The following PRKN variants were observed in gnomAD, a reference collection of about 807,000 sequenced individuals.
PRKN encodes the protein parkin RBR E3 ubiquitin protein ligase.
In PRKN, 56 loss-of-function variants were observed where a neutral mutation model predicts 59.5. That is an observed-to-expected ratio of 0.94 (90% CI 0.76 to 1.18). The LOEUF (loss-of-function observed/expected upper bound fraction) is 1.18, where lower values mean the gene tolerates loss of function less well. PRKN is among the 50% of genes most tolerant of loss of function. PRKN has a pLI of 0.00. For missense variants in PRKN, 657 were observed against 596.4 expected, an observed-to-expected ratio of 1.10 and a Z score of -1.06; for synonymous variants, 250 against 222.1, an observed-to-expected ratio of 1.13 and a Z score of -1.12.
At chr6:162,008,442 C>T (rs1782347949) in intron 5 of PRKN, among the ~76,000 whole-genome samples, 1 of 152,092 alleles carries the variant, frequency 6.6e-6, no homozygotes, top group South Asian at 2.1e-4. Context: ...TTCCTCAGGC[C>T]TCACTAAGTA....
In PRKN at chr6:161,359,628, A is replaced by G. The variant is rs1399453726; in HGVS notation, c.1285+460T>C. 6.6e-6 allele frequency among the ~76,000 whole-genome samples: 1 copy of G among 152,246 alleles called. No homozygotes were observed. The highest frequency in any genetic ancestry group is 6.5e-5 in the Admixed American group (1 of 15,278). On this transcript the variant is annotated intron_variant, in intron 11 of 11. Coordinates refer to ENST00000366898, the MANE Select transcript of PRKN (RefSeq NM_004562.3). This position sits in a 1 kb window ranked among gnomAD's most constrained non-coding sequence, Gnocchi z 5.4. ...TACTGTGAGTCATCAGGGGCAGGCC[A>G]CAGGGATCTTTAAATATAGACGAGG...
chr6:161,660,744 G>C (rs1158881571), intron 7 of PRKN, among the ~76,000 whole-genome samples: 1 of 152,142 alleles, frequency 6.6e-6, no homozygotes, highest in Non-Finnish European at 1.5e-5. Flanking sequence ...CCTTTGCTCT[G>C]CGCACATGTC....
intron 5 of PRKN, among the ~76,000 whole-genome samples, chr6:162,034,367 G>C (rs1477113898): frequency 6.6e-6 from 1 of 152,208 alleles, no homozygotes; most frequent in East Asian, 1.9e-4. Context: ...AAAAAGTAGT[G>C]CTGGTAAAAC....
At chr6:161,953,613 A>C (rs969909882) in intron 6 of PRKN, among the ~76,000 whole-genome samples, 1 of 152,180 alleles carries the variant, frequency 6.6e-6, no homozygotes, top group African/African-American at 2.4e-5. Flanking sequence ...CACCTGCCGG[A>C]TGCCAGCCCT....
intron 7 of PRKN, among the ~76,000 whole-genome samples, chr6:161,636,534 C>A (rs940479065): frequency 6.6e-6 from 1 of 152,166 alleles, no homozygotes; most frequent in Non-Finnish European, 1.5e-5. Flanking sequence ...CGGGAGTGCC[C>A]CTTTGATACA....
chr6:162,114,148 T>C (rs1156473567), intron 4 of PRKN, among the ~76,000 whole-genome samples: 2 of 152,130 alleles, frequency 1.3e-5, no homozygotes, highest in South Asian at 2.1e-4. Context: ...TCAGGTAGCG[T>C]GATGCCTCCA....
chr6:161,790,122 G>T (rs1316575554), intron 6 of PRKN, among the ~76,000 whole-genome samples: 1 of 152,150 alleles, frequency 6.6e-6, no homozygotes, highest in African/African-American at 2.4e-5. Flanking sequence ...CCGAAAGTTA[G>T]GAAAAGAGAA....
chr6:162,447,999 T>A (rs1790404620), intron 1 of PRKN, among the ~76,000 whole-genome samples: 1 of 152,182 alleles, frequency 6.6e-6, no homozygotes, highest in South Asian at 2.1e-4. Context: ...AATAACATCA[T>A]GTGATGCCTC....
intron 4 of PRKN, among the ~76,000 whole-genome samples, chr6:162,164,085 T>C (rs1450816936): frequency 6.7e-6 from 1 of 149,198 alleles, no homozygotes; most frequent in Non-Finnish European, 1.5e-5. Flanking sequence ...AGAGGAGGCA[T>C]TTGCTCAAGT....
chr6:161,434,392 C>T (rs952917945), intron 9 of PRKN, among the ~76,000 whole-genome samples: 4 of 152,156 alleles, frequency 2.6e-5, no homozygotes, highest in African/African-American at 9.7e-5. Flanking sequence ...GGGAGGGTGG[C>T]ATCTGCCTGC....
chr6:162,561,698 G>T (rs73593933), intron 1 of PRKN, among the ~76,000 whole-genome samples: 2,852 of 152,278 alleles, frequency 0.019, 86 homozygotes, highest in African/African-American at 0.064. Context: ...ATTCAGTGTT[G>T]TCCTGTTACA....
chr6:162,670,270 A>C (rs1328550301), intron 1 of PRKN, among the ~76,000 whole-genome samples: 1 of 152,220 alleles, frequency 6.6e-6, no homozygotes, highest in East Asian at 1.9e-4. Context: ...AGAACGAAAA[A>C]AATCTTTATG....
chr6:162,248,012 C>G (rs1355916783), intron 3 of PRKN, among the ~76,000 whole-genome samples: 1 of 152,154 alleles, frequency 6.6e-6, no homozygotes, highest in Non-Finnish European at 1.5e-5. Flanking sequence ...CAACAATATA[C>G]TTTATACTTA....
chr6:162,111,515 C>T (rs9347589), intron 4 of PRKN, among the ~76,000 whole-genome samples: 30,817 of 151,954 alleles, frequency 0.2, 3,448 homozygotes, highest in South Asian at 0.27. Flanking sequence ...CCAACACACA[C>T]GCACACACGG....
intron 9 of PRKN, among the ~76,000 whole-genome samples, chr6:161,437,349 C>T (rs1259398229): frequency 6.6e-6 from 1 of 152,198 alleles, no homozygotes; most frequent in East Asian, 1.9e-4. Context: ...GGAGGATCCA[C>T]ATCCAGGTGG....
chr6:162,601,735 T>C (rs1781720511), intron 1 of PRKN, among the ~76,000 whole-genome samples: 1 of 152,178 alleles, frequency 6.6e-6, no homozygotes, highest in African/African-American at 2.4e-5. Flanking sequence ...CATTTTTATA[T>C]ATGAGGAGTA....
intron 2 of PRKN, among the ~76,000 whole-genome samples, chr6:162,387,555 C>CACACACACACAGAGAG (rs1212726833): frequency 4.2e-5 from 4 of 95,576 alleles, no homozygotes; most frequent in African/African-American, 1.6e-4. Flanking sequence ...CACACACACA[C>CACACACACACAGAGAG]AGAGAGAGAG....
At chr6:162,640,399 T>C (rs1348374054) in intron 1 of PRKN, among the ~76,000 whole-genome samples, 3 of 152,170 alleles carry the variant, frequency 2.0e-5, no homozygotes, top group East Asian at 3.8e-4. Flanking sequence ...CTTAGTAACA[T>C]AGCTGTTTCT....
chr6:162,339,518 G>A (rs1583408046), intron 2 of PRKN, among the ~76,000 whole-genome samples: 1 of 135,038 alleles, frequency 7.4e-6, no homozygotes, highest in African/African-American at 2.7e-5. Flanking sequence ...GGGAGGTGGG[G>A]GGGTCAGCCC....
Sources: allele counts gnomAD v4.1 joint callset (sites outside exome capture counted in the v4.1 genomes callset), GRCh38; gene constraint gnomAD v4.1.1; non-coding constraint Gnocchi (gnomAD v3.1); transcripts MANE v1.5; gene names NCBI Gene and HGNC (gene_info 2026-07-23, HGNC 2026-07-21).